Variants in RIC1 observed in about 807,000 individuals in gnomAD.
RIC1 encodes the protein guanine nucleotide exchange factor subunit RIC1.
In RIC1, 88 loss-of-function variants were observed where a neutral mutation model predicts 169.0. The ratio of observed to expected loss-of-function variants is 0.52; its 90% CI spans 0.44 to 0.62. The LOEUF is 0.62. Among genes scored for constraint, RIC1 ranks in the 20% least tolerant of loss-of-function variants. The pLI is 0.00. For synonymous variants in RIC1, 790 were observed against 601.5 expected, an observed-to-expected ratio of 1.31 and a Z score of -4.59; for missense variants, 1,877 against 1,725.5, an observed-to-expected ratio of 1.09 and a Z score of -1.56.
At chr9:5,704,579 A>G (rs1247387609) in intron 3 of RIC1, among the ~76,000 whole-genome samples, 2 of 152,164 alleles carry the variant, frequency 1.3e-5, no homozygotes, top group African/African-American at 4.8e-5. Context: ...TCTGGATACT[A>G]CATCCTTTTA....
chr9:5,753,613 CA>C lies in RIC1; in HGVS notation c.1575del (p.Lys525AsnfsTer14). Reference protein sequence around the residue: ...FGFAHYSLLTKKWKLFGNITQ... With the variant: ...FGFAHYSLLTXKWKLFGNITQ... ...GTTTTGCACATTACTCTTTACTCACCAAAAAATGGAAACTTTTTGGAAACAT... is the reference window on the plus strand; with the variant it reads ...GTTTTGCACATTACTCTTTACTCACCAAAAATGGAAACTTTTTGGAAACAT... On this transcript the variant is annotated frameshift_variant, in exon 14 of 26. Transcript: ENST00000414202. LOFTEE classifies it high-confidence loss of function. The C allele has an allele frequency of 6.2e-7, 1 of 1,605,374 alleles. No individual in the cohort carries two copies. The highest frequency in any genetic ancestry group is 1.1e-5 in the South Asian group (1 of 89,624).
intron 1 of RIC1, among the ~76,000 whole-genome samples, chr9:5,635,434 C>T (rs1817926213): frequency 6.6e-6 from 1 of 152,106 alleles, no homozygotes; most frequent in Non-Finnish European, 1.5e-5. Context: ...GTTGAAAAGT[C>T]AGTGTTGCAA....
In RIC1 at chr9:5,629,362, C is replaced by T. The variant is rs751577861; in HGVS notation, c.53C>T (p.Pro18Leu). The T allele has an allele frequency of 2.0e-6, 3 of 1,534,430 alleles. No homozygotes were observed. The highest frequency in any genetic ancestry group is 1.2e-5 in the South Asian group (1 of 83,768). Residue 18 changes from proline to leucine, a missense_variant, in exon 1 of 26, where the codon CCG becomes CTG. Around this residue, in one of 3 missense-constraint regions of RIC1, gnomAD observed 1,104 missense variants for 992.0 expected, o/e 1.11. Transcript: ENST00000414202. ...PKRLLCPLGS[P>L]AEAPFHVQSD... Reference sequence around the variant, plus strand: ...AGGCTGCTGTGCCCTCTGGGGAGCCCGGCCGAGGCGCCTTTCCACGTTCAG... The same window carrying T: ...AGGCTGCTGTGCCCTCTGGGGAGCCTGGCCGAGGCGCCTTTCCACGTTCAG...
intron 2 of RIC1, among the ~76,000 whole-genome samples, chr9:5,659,232 G>A (rs1010796626): frequency 6.6e-6 from 1 of 152,004 alleles, no homozygotes; most frequent in Admixed American, 6.6e-5. Flanking sequence ...ATTTCTGGAT[G>A]CTCCATTCTG....
intron 1 of RIC1, among the ~76,000 whole-genome samples, chr9:5,640,649 T>C (rs1024496070): frequency 6.6e-6 from 1 of 152,212 alleles, no homozygotes; most frequent in Non-Finnish European, 1.5e-5. Flanking sequence ...GAAGGAGTTA[T>C]ACTCTTCTGT....
intron 8 of RIC1, among the ~76,000 whole-genome samples, chr9:5,739,205 C>G (rs1372474911): frequency 6.6e-6 from 1 of 152,124 alleles, no homozygotes; most frequent in Admixed American, 6.6e-5. Flanking sequence ...CTTTGGATCC[C>G]TTCCTCTACA....
At chr9:5,668,660 C>T (rs972876976) in intron 2 of RIC1, among the ~76,000 whole-genome samples, 1 of 152,116 alleles carries the variant, frequency 6.6e-6, no homozygotes, top group Admixed American at 6.6e-5. Flanking sequence ...CTCAAATTTG[C>T]TATTGAATTT....
intron 2 of RIC1, among the ~76,000 whole-genome samples, chr9:5,662,243 A>T (rs1819495382): frequency 6.6e-6 from 1 of 152,054 alleles, no homozygotes; most frequent in Admixed American, 6.5e-5. Context: ...TATTTTGTTG[A>T]GAATTTTTGC....
intron 4 of RIC1, among the ~76,000 whole-genome samples, chr9:5,715,679 A>T (rs1290941595): frequency 6.6e-6 from 1 of 152,142 alleles, no homozygotes; most frequent in East Asian, 1.9e-4. Flanking sequence ...CTCATCTTTT[A>T]TTTTTGATTT....
chr9:5,773,934 CTAA>C (rs1563730468), intron 25 of RIC1, 21 bp from the exon 26 acceptor site: 1 of 1,538,082 alleles, frequency 6.5e-7, no homozygotes, highest in Non-Finnish European at 8.7e-7. Context: ...GGCAGATGAG[CTAA>C]TGTTTTTTTT....
Position 5,772,928 on chromosome 9 carries a change from A to C in RIC1, c.3831A>C (p.Leu1277=), listed in dbSNP as rs146312357. The C allele has an allele frequency of 1.1e-5, 17 of 1,613,536 alleles. No individual in the cohort carries two copies. The highest frequency in any genetic ancestry group is 1.4e-5 in the Non-Finnish European group (17 of 1,179,798). Residue 1277 remains leucine, a synonymous_variant, in exon 25 of 26, where the codon CTA becomes CTC. Transcript: ENST00000414202. ...LLHIFMEAGC[L]DWCIVIGLIL... ...ACATTTTCATGGAGGCAGGGTGCCT[A>C]GACTGGTGCATCGTTATAGGCCTGA... is the stretch of plus-strand genomic sequence containing the variant.
At chr9:5,702,062 G>A (rs1822256084) in intron 3 of RIC1, among the ~76,000 whole-genome samples, 2 of 152,278 alleles carry the variant, frequency 1.3e-5, no homozygotes, top group South Asian at 2.1e-4. Flanking sequence ...GCAATGGTGT[G>A]AATTAGAGTT....
rs58654916 is a variant in RIC1, at chr9:5,651,558, CTT to C, written c.145-5004_145-5003del. Among the ~76,000 whole-genome samples the C allele has an allele frequency of 5.0e-3, 542 of 107,820 alleles. 1 individual carries two copies. The highest frequency in any genetic ancestry group is 0.017 in the African/African-American group (515 of 30,128). 70.7% of individuals were successfully genotyped at this position (107,820 alleles called of 152,430 possible). A position where few individuals can be genotyped will look rare whatever the true frequency, so the allele number is the denominator to read the frequency against. ...TGGGTCTTACATTTAAGTCTTTAAT[CTT>C]TTTTTTTTTTTTTTTTTTTTATTGA... On this transcript the variant is annotated intron_variant, in intron 1 of 25. Transcript: ENST00000414202.
rs1820837795 is a variant in RIC1 at position 5,681,508 on chromosome 9, C to G, written c.253-8451C>G. On this transcript the variant is annotated intron_variant, in intron 2 of 25. Transcript: ENST00000414202. ...TTTGATTGCACTATGGTCTGACAGACAGTTTGTTATAATTTCTGTTCTTTT... is the reference window on the plus strand; with the variant it reads ...TTTGATTGCACTATGGTCTGACAGAGAGTTTGTTATAATTTCTGTTCTTTT... Among the ~76,000 whole-genome samples, 3 of 152,288 alleles carry G rather than the reference C, an allele frequency of 2.0e-5. No individual in the cohort carries two copies. In the South Asian group the frequency reaches 6.2e-4, roughly 32 times the overall value.
At position 5,629,465 on chromosome 9, in the gene RIC1, C is replaced by A. The variant is rs1231847138; in HGVS notation, c.144+12C>A. Reference sequence around the variant, plus strand: ...TCTGGTACAGCCGAGTAAGTAGAGCCGCCCGCCGCCTTTCGCCGCTGCCTC... The same window carrying A: ...TCTGGTACAGCCGAGTAAGTAGAGCAGCCCGCCGCCTTTCGCCGCTGCCTC... On this transcript the variant is annotated intron_variant, in intron 1 of 25. Coordinates refer to ENST00000414202, the MANE Select transcript of RIC1 (RefSeq NM_020829.4). 1 of 1,526,350 alleles carries A rather than the reference C, an allele frequency of 6.6e-7. No individual in the cohort carries two copies. The highest frequency in any genetic ancestry group is 2.5e-5 in the East Asian group (1 of 39,914). 94.6% of individuals were successfully genotyped at this position (1,526,350 alleles called of 1,614,324 possible).
At chr9:5,729,018 C>T (rs1824186883) in intron 6 of RIC1, among the ~76,000 whole-genome samples, 1 of 152,162 alleles carries the variant, frequency 6.6e-6, no homozygotes, top group African/African-American at 2.4e-5. Flanking sequence ...CTGTCCCTCC[C>T]TTCTGCTCCC....
At chr9:5,671,823 G>A (rs926924800) in intron 2 of RIC1, among the ~76,000 whole-genome samples, 7 of 152,152 alleles carry the variant, frequency 4.6e-5, no homozygotes, top group African/African-American at 1.7e-4. Context: ...GAAGGACCAG[G>A]CAGAGGGAAA....
chr9:5,746,699 T>A (rs1825398983), intron 11 of RIC1, among the ~76,000 whole-genome samples: 1 of 152,222 alleles, frequency 6.6e-6, no homozygotes, highest in Non-Finnish European at 1.5e-5. Context: ...TAGTGTATAC[T>A]AATATTATTA....
chr9:5,692,200 C>G (rs917024655), intron 3 of RIC1, among the ~76,000 whole-genome samples: 1 of 152,104 alleles, frequency 6.6e-6, no homozygotes, highest in African/African-American at 2.4e-5. Flanking sequence ...AAGATACAGG[C>G]TTTGGTGTCA....
Sources: gnomAD v4.1 joint callset for allele counts (sites outside exome capture counted in the v4.1 genomes callset) on GRCh38, gnomAD v4.1.1 for gene constraint, gnomAD v4.1.1 regional missense constraint, MANE v1.5 for transcripts, NCBI Gene and HGNC (gene_info 2026-07-23, HGNC 2026-07-21) for gene names.